The following LIMD1 variants were observed in gnomAD, a reference collection of about 807,000 sequenced individuals.
The protein encoded by LIMD1 is LIM domain containing 1, also known as LIM domain-containing protein 1.
A neutral mutation model predicts 58.4 loss-of-function variants in LIMD1; 23 were observed. The ratio of observed to expected loss-of-function variants is 0.39; its 90% CI spans 0.28 to 0.56. The LOEUF (loss-of-function observed/expected upper bound fraction) is 0.56, where lower values mean the gene tolerates loss of function less well. LIMD1 is among the 20% of genes least tolerant of loss of function. The pLI is 0.57. For synonymous variants in LIMD1, 334 were observed against 345.5 expected (o/e 0.97, Z 0.37); for missense variants, 838 against 855.5 (o/e 0.98, Z 0.25).
At chr3:45,625,994 C>T (rs1280427952) in intron 1 of LIMD1, among the ~76,000 whole-genome samples, 2 of 152,130 alleles carry the variant, frequency 1.3e-5, no homozygotes, top group Non-Finnish European at 2.9e-5. Flanking sequence ...CACTGCTAAC[C>T]CTACCTAGTA....
At chr3:45,661,606 TA>T (rs1313667832) in intron 2 of LIMD1, among the ~76,000 whole-genome samples, 1 of 152,238 alleles carries the variant, frequency 6.6e-6, no homozygotes, top group African/African-American at 2.4e-5. Context: ...TACTGACATT[TA>T]ATACAAATTT....
intron 2 of LIMD1, among the ~76,000 whole-genome samples, chr3:45,650,348 A>T (rs900249825): frequency 2.0e-5 from 3 of 151,874 alleles, no homozygotes; most frequent in African/African-American, 7.3e-5. Context: ...ATCTTTTTTT[A>T]AATTATACTT....
intron 2 of LIMD1, among the ~76,000 whole-genome samples, chr3:45,663,192 G>A (rs765678918): frequency 7.9e-5 from 12 of 152,070 alleles, no homozygotes; most frequent in South Asian, 2.1e-4. Context: ...CAGTTTCTTC[G>A]TCTATTTATC....
intron 1 of LIMD1, among the ~76,000 whole-genome samples, chr3:45,623,265 A>T (rs1383377833): frequency 1.3e-5 from 2 of 152,120 alleles, no homozygotes; most frequent in South Asian, 4.1e-4. Flanking sequence ...CTCGTGAGGA[A>T]AAAGGAAGAC....
chr3:45,613,749 T>C (rs1701551222), intron 1 of LIMD1, among the ~76,000 whole-genome samples: 2 of 152,080 alleles, frequency 1.3e-5, no homozygotes, highest in African/African-American at 4.8e-5. Context: ...TCTCCTGCCT[T>C]GGCCTCCTAA....
chr3:45,671,705 C>G (rs926911329), intron 4 of LIMD1, among the ~76,000 whole-genome samples: 1 of 152,170 alleles, frequency 6.6e-6, no homozygotes, highest in African/African-American at 2.4e-5. Flanking sequence ...GCCTTACCCC[C>G]AGAGTTTCTG....
chr3:45,673,898 AC>A (rs1228138181), intron 6 of LIMD1: 16 of 255,496 alleles, frequency 6.3e-5, no homozygotes, highest in African/African-American at 3.3e-4. Context: ...AAAAAAAAAA[AC>A]CAAAAAAAAC....
At chr3:45,675,268 G>A (rs1697652471) in intron 7 of LIMD1, among the ~76,000 whole-genome samples, 1 of 152,212 alleles carries the variant, frequency 6.6e-6, no homozygotes, top group Admixed American at 6.5e-5. Context: ...GATAGCTCAC[G>A]CCTGTAATCT....
chr3:45,631,455 A>C (rs1419805444), intron 1 of LIMD1, among the ~76,000 whole-genome samples: 1 of 152,024 alleles, frequency 6.6e-6, no homozygotes, highest in East Asian at 1.9e-4. Context: ...ATCTTTTCCT[A>C]CCTACTTGGC....
intron 1 of LIMD1, among the ~76,000 whole-genome samples, chr3:45,597,083 A>G (rs1701364985): frequency 6.6e-6 from 1 of 151,602 alleles, no homozygotes; most frequent in African/African-American, 2.4e-5. Flanking sequence ...GATGTTCTCA[A>G]TCTCCTGACC....
chr3:45,649,777 A>G (rs144175751), intron 2 of LIMD1, among the ~76,000 whole-genome samples: 10,680 of 143,430 alleles, frequency 0.074, 1,374 homozygotes, highest in African/African-American at 0.26. Context: ...ATAATTATAT[A>G]TATAAAATAT....
intron 1 of LIMD1, among the ~76,000 whole-genome samples, chr3:45,605,203 A>T (rs1035237472): frequency 6.6e-6 from 1 of 152,216 alleles, no homozygotes; most frequent in Non-Finnish European, 1.5e-5. Context: ...GTATAACTAG[A>T]TGCCTGGGTT....
chr3:45,661,700 T>A (rs1179826482), intron 2 of LIMD1, among the ~76,000 whole-genome samples: 1 of 152,236 alleles, frequency 6.6e-6, no homozygotes, highest in Non-Finnish European at 1.5e-5. Flanking sequence ...TTACTAACAC[T>A]GGGGTTATCA....
In LIMD1 at chr3:45,595,174, G is replaced by A. The variant is rs1356513565; in HGVS notation, c.295G>A (p.Val99Met). 1 of 1,604,682 alleles carries A rather than the reference G, an allele frequency of 6.2e-7. No homozygotes were observed. The highest frequency in any genetic ancestry group is 8.5e-7 in the Non-Finnish European group (1 of 1,175,640). ...RWEVVGSKLTVDGAAKPPLAA... is the reference protein window; with the variant it reads ...RWEVVGSKLTMDGAAKPPLAA... ...GGAAGTTGTGGGCAGCAAGCTGACTGTGGATGGTGCTGCCAAGCCTCCTCT... is the reference window on the plus strand; with the variant it reads ...GGAAGTTGTGGGCAGCAAGCTGACTATGGATGGTGCTGCCAAGCCTCCTCT... Residue 99 changes from valine (V) to methionine (M), a missense_variant, in exon 1 of 8, where the codon GTG (valine) becomes ATG (methionine). Transcript: ENST00000273317.
chr3:45,628,159 G>A (rs1363672921), intron 1 of LIMD1, among the ~76,000 whole-genome samples: 1 of 152,218 alleles, frequency 6.6e-6, no homozygotes, highest in Non-Finnish European at 1.5e-5. Context: ...CCTTGGCACA[G>A]GGAGGGAGAA....
chr3:45,672,723 G>C lies in LIMD1; in HGVS notation c.1675G>C (p.Gly559Arg). ...AGCCCTGGGGAAGTCCTACCACCCCGGCTGTTTCCGCTGTGTCATCTGTAA... is the reference window on the plus strand; with the variant it reads ...AGCCCTGGGGAAGTCCTACCACCCCCGCTGTTTCCGCTGTGTCATCTGTAA... ...LQALGKSYHP[G>R]CFRCVICNEC... Residue 559 changes from glycine to arginine, a missense_variant, in exon 5 of 8, where the codon GGC becomes CGC. Gly to Arg is a moderately radical substitution (Grantham distance 125). Coordinates refer to ENST00000273317, the MANE Select transcript of LIMD1 (RefSeq NM_014240.3). The C allele has an allele frequency of 1.2e-6, 2 of 1,613,962 alleles. No homozygotes were observed. Among genetic ancestry groups the C allele is most frequent in the Non-Finnish European group, 1.7e-6 (2 of 1,179,948 alleles).
At chr3:45,666,230 G>A (rs1697516831) in intron 3 of LIMD1, among the ~76,000 whole-genome samples, 1 of 152,140 alleles carries the variant, frequency 6.6e-6, no homozygotes, top group South Asian at 2.1e-4. Flanking sequence ...CTTGCCTTGG[G>A]TCCTGATCTG....
At chr3:45,674,152 C>T (rs901293295) in intron 6 of LIMD1, among the ~76,000 whole-genome samples, 191 bp from the exon 7 acceptor site, 1 of 152,066 alleles carries the variant, frequency 6.6e-6, no homozygotes, top group African/African-American at 2.4e-5. Context: ...GACTCCTATC[C>T]CTCCTACTTC....
chr3:45,684,939 T>A lies in LIMD1; in HGVS notation c.*7880T>A, dbSNP rs1388248152. 6.6e-6 allele frequency: 1 copy of A among 152,232 alleles called. No homozygotes were observed. The highest frequency in any genetic ancestry group is 1.5e-5 in the Non-Finnish European group (1 of 68,048). 9.4% of individuals were successfully genotyped at this position (152,232 alleles called of 1,614,324 possible). ...GAAAAGAAATGGTTTTGGGGGCTGC[T>A]TTTTATTAAAAGAAAAGCCTTACCA... On this transcript the variant is annotated 3_prime_UTR_variant, in exon 8 of 8. Transcript: ENST00000273317.
Sources: allele counts gnomAD v4.1 joint callset (sites outside exome capture counted in the v4.1 genomes callset), GRCh38; gene constraint gnomAD v4.1.1; transcripts MANE v1.5; gene names NCBI Gene and HGNC (gene_info 2026-07-23, HGNC 2026-07-21).